STPG2: variants seen among roughly 807,000 people sequenced by gnomAD.
STPG2 encodes sperm-tail PG-rich repeat-containing protein 2.
A neutral mutation model predicts 54.2 loss-of-function variants in STPG2; 56 were observed. That is an observed-to-expected ratio of 1.03 (90% CI 0.83 to 1.29). STPG2 has a LOEUF of 1.29. STPG2 is among the 50% of genes most tolerant of loss of function. The pLI, the probability that STPG2 is intolerant of heterozygous loss-of-function variation, is 0.00. For synonymous variants in STPG2, 200 were observed against 181.8 expected, an observed-to-expected ratio of 1.10 and a Z score of -0.81; for missense variants, 596 against 544.9, an observed-to-expected ratio of 1.09 and a Z score of -0.93.
chr4:97,965,310 G>T (rs1366299890), intron 7 of STPG2, among the ~76,000 whole-genome samples: 1 of 152,196 alleles, frequency 6.6e-6, no homozygotes, highest in African/African-American at 2.4e-5. Flanking sequence ...CATTGCTGAG[G>T]CTTGAGTAGG....
Position 98,039,375 on chromosome 4 carries a change from C to T in STPG2, c.613-58057G>A, listed in dbSNP as rs1450934596. 3.1e-5 allele frequency among the ~76,000 whole-genome samples: 2 copies of T among 63,546 alleles called. 1 individual carries two copies. The highest frequency in any genetic ancestry group is 1.4e-4 in the African/African-American group (2 of 14,786). The allele number at this position is 63,546 out of a possible 152,430, so 41.7% of individuals were successfully genotyped here. ...ATTTAAAATATGACCATTTATTTAA[C>T]TTTCTAAATAGATCATTTGTGAATA... On this transcript the variant is annotated intron_variant, in intron 5 of 10. Transcript: ENST00000295268.
intron 10 of STPG2, among the ~76,000 whole-genome samples, chr4:97,686,935 A>ATTTT (rs1222690039): frequency 2.7e-5 from 4 of 148,632 alleles, no homozygotes; most frequent in African/African-American, 1.0e-4. Flanking sequence ...TATTATTATT[A>ATTTT]TTATTATTTT....
At chr4:98,015,849 C>T (rs1399159490) in intron 5 of STPG2, among the ~76,000 whole-genome samples, 2 of 152,064 alleles carry the variant, frequency 1.3e-5, no homozygotes, top group East Asian at 1.9e-4. Flanking sequence ...AAATGTGGCA[C>T]ATATACACCA....
intron 9 of STPG2, among the ~76,000 whole-genome samples, chr4:97,794,995 A>AG (rs1727118969): frequency 6.6e-6 from 1 of 152,168 alleles, no homozygotes; most frequent in South Asian, 2.1e-4. Flanking sequence ...AATAATACAC[A>AG]GAAAAAAAAT....
intron 4 of STPG2, among the ~76,000 whole-genome samples, chr4:97,544,238 T>G (rs766574496): frequency 1.3e-5 from 2 of 152,124 alleles, no homozygotes; most frequent in African/African-American, 2.4e-5. Flanking sequence ...ATGCAATCCA[T>G]GGAGATATCC....
intron 5 of STPG2, among the ~76,000 whole-genome samples, chr4:98,067,922 A>G (rs989800998): frequency 1.3e-5 from 2 of 152,168 alleles, no homozygotes; most frequent in African/African-American, 4.8e-5. Flanking sequence ...TCTGTCACTT[A>G]TCATTGAGTT....
intron 8 of STPG2, among the ~76,000 whole-genome samples, chr4:97,847,460 TCTC>T (rs1728988915): frequency 6.6e-6 from 1 of 152,144 alleles, no homozygotes; most frequent in South Asian, 2.1e-4. Context: ...ATTTCCATCT[TCTC>T]CTGGCACACT....
At chr4:97,834,628 T>A (rs1232754992) in intron 9 of STPG2, among the ~76,000 whole-genome samples, 4 of 152,004 alleles carry the variant, frequency 2.6e-5, no homozygotes, top group Non-Finnish European at 5.9e-5. Flanking sequence ...GAGAAAAAAA[T>A]ATGTTTCAAG....
intron 10 of STPG2, among the ~76,000 whole-genome samples, chr4:97,567,884 A>G (rs2148881212): frequency 6.6e-6 from 1 of 152,322 alleles, no homozygotes; most frequent in South Asian, 2.1e-4. Flanking sequence ...AACAAAAGAA[A>G]CTGAAGAATG....
In STPG2 at chr4:97,977,999, A is replaced by G. The variant is rs77260964; in HGVS notation, c.772+3160T>C. Reference sequence around the variant, plus strand: ...TAATACTTGAGGTAATGAAGAAAATACCTAATGAACTGCTAGATTCTAACT... The same window carrying G: ...TAATACTTGAGGTAATGAAGAAAATGCCTAATGAACTGCTAGATTCTAACT... On this transcript the variant is annotated intron_variant, in intron 6 of 10. Transcript: ENST00000295268. 3.8e-3 allele frequency among the ~76,000 whole-genome samples: 583 copies of G among 152,308 alleles called. 5 individuals carry two copies. Among genetic ancestry groups the G allele is most frequent in the Non-Finnish European group, 6.5e-3 (439 of 68,012 alleles).
intron 8 of STPG2, among the ~76,000 whole-genome samples, chr4:97,921,824 T>A (rs759025157): frequency 6.6e-5 from 10 of 152,114 alleles, no homozygotes; most frequent in Non-Finnish European, 1.2e-4. Flanking sequence ...ATATATACAA[T>A]GTAATATTAT....
At chr4:97,801,266 G>T (rs1727386861) in intron 9 of STPG2, among the ~76,000 whole-genome samples, 1 of 152,146 alleles carries the variant, frequency 6.6e-6, no homozygotes, top group Non-Finnish European at 1.5e-5. Flanking sequence ...CCCGTCTTCT[G>T]CGTTGCTCAC....
At chr4:97,882,730 CA>C (rs921874753) in intron 8 of STPG2, among the ~76,000 whole-genome samples, 1 of 152,046 alleles carries the variant, frequency 6.6e-6, no homozygotes, top group Non-Finnish European at 1.5e-5. Flanking sequence ...ATGAAACTAG[CA>C]ATGCACTGAG....
chr4:97,681,890 C>A (rs907294593), intron 10 of STPG2, among the ~76,000 whole-genome samples: 3 of 151,620 alleles, frequency 2.0e-5, no homozygotes, highest in Non-Finnish European at 4.4e-5. Flanking sequence ...TTAGCATTTG[C>A]GGTGTTAGTT....
chr4:97,615,748 C>A (rs2148918841), intron 10 of STPG2, among the ~76,000 whole-genome samples: 1 of 151,648 alleles, frequency 6.6e-6, no homozygotes, highest in East Asian at 1.9e-4. Context: ...TACCATTGAG[C>A]AGACCAAAAA....
intron 9 of STPG2, among the ~76,000 whole-genome samples, chr4:97,803,361 T>C (rs1256900571): frequency 6.6e-6 from 1 of 152,212 alleles, no homozygotes; most frequent in Non-Finnish European, 1.5e-5. Context: ...TGTGATTGTA[T>C]CTGTAAGGAA....
At chr4:97,812,594 G>T (rs1727775414) in intron 9 of STPG2, among the ~76,000 whole-genome samples, 2 of 152,176 alleles carry the variant, frequency 1.3e-5, no homozygotes, top group South Asian at 4.1e-4. Context: ...AAGTAAAAAA[G>T]AGTTTTAAAA....
At chr4:97,975,503 T>C (rs942748540) in intron 6 of STPG2, among the ~76,000 whole-genome samples, 1 of 152,172 alleles carries the variant, frequency 6.6e-6, no homozygotes, top group Non-Finnish European at 1.5e-5. Context: ...TGAATTTAGG[T>C]TCATATATTT....
At chr4:97,839,669 CAA>C (rs1482701395) in intron 9 of STPG2, among the ~76,000 whole-genome samples, 1 of 151,184 alleles carries the variant, frequency 6.6e-6, no homozygotes, top group Admixed American at 6.6e-5. Flanking sequence ...TGTAATAACT[CAA>C]GAGAAGAAAA....
Sources: allele counts gnomAD v4.1 joint callset (sites outside exome capture counted in the v4.1 genomes callset), GRCh38; gene constraint gnomAD v4.1.1; transcripts MANE v1.5; gene names NCBI Gene and HGNC (gene_info 2026-07-23, HGNC 2026-07-21).